ARHGAP42: variants seen among roughly 807,000 people sequenced by gnomAD.
ARHGAP42 encodes the protein Rho GTPase activating protein 42, also known as rho GTPase-activating protein 42.
In ARHGAP42, 63 loss-of-function variants were observed where a neutral mutation model predicts 125.0. The observed-to-expected ratio is 0.50, with a 90% CI of 0.41 to 0.62. The LOEUF (loss-of-function observed/expected upper bound fraction) is 0.62, where lower values mean the gene tolerates loss of function less well. Among genes scored for constraint, ARHGAP42 ranks in the 20% least tolerant of loss-of-function variants. The pLI, the probability that ARHGAP42 is intolerant of heterozygous loss-of-function variation, is 0.00. For missense variants in ARHGAP42, 766 were observed against 1,024.2 expected, an observed-to-expected ratio of 0.75 and a Z score of 3.44; for synonymous variants, 339 against 351.0, an observed-to-expected ratio of 0.97 and a Z score of 0.38.
rs143461552 is a variant in ARHGAP42, at chr11:100,875,073, G to GTCTCTC, written c.384+15478_384+15483dup. On this transcript the variant is annotated intron_variant, in intron 4 of 23. Coordinates refer to ENST00000298815, the MANE Select transcript of ARHGAP42 (RefSeq NM_152432.4). ...AACTGCTGACTAAATCTAATCCACT[G>GTCTCTC]TCTCTCTCTCTCTCTCTCTCTCTCT... is the stretch of plus-strand genomic sequence containing the variant. Among the ~76,000 whole-genome samples the GTCTCTC allele has an allele frequency of 2.3e-3, 250 of 110,386 alleles. 1 individual carries two copies. Among genetic ancestry groups the GTCTCTC allele is most frequent in the African/African-American group, 6.4e-3 (177 of 27,732 alleles). The allele number at this position is 110,386 out of a possible 152,430, so 72.4% of individuals were successfully genotyped here. A position where few individuals can be genotyped will look rare whatever the true frequency, so the allele number is the denominator to read the frequency against.
chr11:100,782,256 A>T (rs1863333220), intron 2 of ARHGAP42, among the ~76,000 whole-genome samples: 1 of 152,236 alleles, frequency 6.6e-6, no homozygotes, highest in Non-Finnish European at 1.5e-5. Flanking sequence ...TAGCATCCAT[A>T]TATGTGATTC....
At chr11:100,961,179 C>T (rs1350283059) in intron 14 of ARHGAP42, among the ~76,000 whole-genome samples, 190 bp downstream of exon 14, 1 of 152,060 alleles carries the variant, frequency 6.6e-6, no homozygotes, top group Non-Finnish European at 1.5e-5. Context: ...TTTTATAATA[C>T]TGTATTTTTT....
chr11:100,895,071 T>C (rs1316516868), intron 4 of ARHGAP42, among the ~76,000 whole-genome samples: 1 of 152,208 alleles, frequency 6.6e-6, no homozygotes, highest in African/African-American at 2.4e-5. Flanking sequence ...TTCCAGAATG[T>C]TTAAGCTGAA....
At position 100,945,425 on chromosome 11, in the gene ARHGAP42, C is replaced by A. The variant is rs757713302; in HGVS notation, c.1043+1557C>A. On this transcript the variant is annotated intron_variant, in intron 10 of 23. Transcript: ENST00000298815. Reference sequence around the variant, plus strand: ...TGACATCTAAAGTGATGAATCCTTTCTAGAAGGTTTTCAGTGTACTTTACC... The same window carrying A: ...TGACATCTAAAGTGATGAATCCTTTATAGAAGGTTTTCAGTGTACTTTACC... Among the ~76,000 whole-genome samples, 20 of 152,070 alleles carry A rather than the reference C, an allele frequency of 1.3e-4. 1 individual carries two copies. Among genetic ancestry groups the A allele is most frequent in the South Asian group, 1.0e-3 (5 of 4,832 alleles).
At chr11:100,780,204 A>G (rs1436302242) in intron 2 of ARHGAP42, among the ~76,000 whole-genome samples, 6 of 152,154 alleles carry the variant, frequency 3.9e-5, no homozygotes, top group Non-Finnish European at 7.4e-5. Flanking sequence ...TGGAGTGTAC[A>G]AACTAAAGGA....
intron 3 of ARHGAP42, among the ~76,000 whole-genome samples, chr11:100,812,993 C>T (rs1216409269): frequency 2.0e-5 from 3 of 152,090 alleles, no homozygotes; most frequent in Non-Finnish European, 2.9e-5. Context: ...AGGCTGTTTT[C>T]GTTATTTCAT....
chr11:100,977,464 A>G (rs986634936), intron 21 of ARHGAP42, among the ~76,000 whole-genome samples: 1 of 152,178 alleles, frequency 6.6e-6, no homozygotes, highest in Admixed American at 6.6e-5. Flanking sequence ...ATGCAAGGCA[A>G]AAGTGGGTAC....
At chr11:100,820,092 T>A (rs936574609) in intron 3 of ARHGAP42, among the ~76,000 whole-genome samples, 5 of 152,062 alleles carry the variant, frequency 3.3e-5, no homozygotes, top group African/African-American at 1.2e-4. Context: ...AAGGCTTGGG[T>A]TTCATATTAT....
At chr11:100,852,996 C>G (rs1262485201) in intron 3 of ARHGAP42, among the ~76,000 whole-genome samples, 1 of 152,132 alleles carries the variant, frequency 6.6e-6, no homozygotes, top group African/African-American at 2.4e-5. Flanking sequence ...TGCAACATTT[C>G]TTAAATCTCT....
At chr11:100,956,082 T>C (rs1351788783) in intron 12 of ARHGAP42, among the ~76,000 whole-genome samples, 1 of 152,162 alleles carries the variant, frequency 6.6e-6, no homozygotes, top group Non-Finnish European at 1.5e-5. Context: ...GCGCTGTCTA[T>C]AGTTGATGGT....
chr11:100,743,285 T>C (rs1436077370), intron 1 of ARHGAP42, among the ~76,000 whole-genome samples: 2 of 152,210 alleles, frequency 1.3e-5, no homozygotes, highest in African/African-American at 4.8e-5. Context: ...TCCCCACATT[T>C]GTTTGTCTGA....
chr11:100,872,021 G>A (rs552952638), intron 4 of ARHGAP42, among the ~76,000 whole-genome samples: 1 of 152,256 alleles, frequency 6.6e-6, no homozygotes, highest in South Asian at 2.1e-4. Flanking sequence ...GGGATAACAG[G>A]CGTGAGCCAC....
At chr11:100,927,963 T>G (rs910017209) in intron 6 of ARHGAP42, among the ~76,000 whole-genome samples, 4 of 152,218 alleles carry the variant, frequency 2.6e-5, no homozygotes, top group South Asian at 2.1e-4. Flanking sequence ...TTCTCATTAT[T>G]TATTTGATTC....
chr11:100,954,401 C>G (rs900003018), intron 12 of ARHGAP42, among the ~76,000 whole-genome samples: 2 of 152,140 alleles, frequency 1.3e-5, no homozygotes, highest in African/African-American at 4.8e-5. Context: ...ACATTCAGTC[C>G]TTATACAAAA....
intron 4 of ARHGAP42, among the ~76,000 whole-genome samples, chr11:100,893,188 T>TGTGTGTGTGTGTG (rs3065611): frequency 1.3e-5 from 2 of 151,746 alleles, no homozygotes; most frequent in Admixed American, 6.6e-5. Flanking sequence ...TGTGTGTGTG[T>TGTGTGTGTGTGTG]TTCTTTTTGA....
intron 3 of ARHGAP42, chr11:100,816,952 G>C (rs7109079): frequency 6.6e-6 from 1 of 152,142 alleles, no homozygotes; most frequent in African/African-American, 2.4e-5. Flanking sequence ...TCAAAAGGAG[G>C]ATAAGCCTAT....
chr11:100,855,456 A>G (rs1325786179), intron 3 of ARHGAP42, among the ~76,000 whole-genome samples: 1 of 152,116 alleles, frequency 6.6e-6, no homozygotes, highest in Non-Finnish European at 1.5e-5. Flanking sequence ...TTTTTAATGA[A>G]TAAGTGTGGC....
chr11:100,856,720 T>G (rs1402749049), intron 3 of ARHGAP42, among the ~76,000 whole-genome samples: 2 of 152,094 alleles, frequency 1.3e-5, no homozygotes, highest in East Asian at 3.8e-4. Context: ...ATAACTACAT[T>G]TTAAATCATT....
intron 4 of ARHGAP42, among the ~76,000 whole-genome samples, chr11:100,873,448 A>G (rs752103312): frequency 2.6e-5 from 4 of 152,192 alleles, no homozygotes; most frequent in Non-Finnish European, 5.9e-5. Context: ...ATAACCTACC[A>G]GTGTGTTATA....
Sources: gnomAD v4.1 joint callset for allele counts (sites outside exome capture counted in the v4.1 genomes callset) on GRCh38, gnomAD v4.1.1 for gene constraint, MANE v1.5 for transcripts, NCBI Gene and HGNC (gene_info 2026-07-23, HGNC 2026-07-21) for gene names.